The following MSI2 variants were observed in gnomAD, a reference collection of about 807,000 sequenced individuals.
MSI2 encodes the protein musashi RNA binding protein 2.
In MSI2, 17 loss-of-function variants were observed where a neutral mutation model predicts 45.6. That is an observed-to-expected ratio of 0.37 (90% confidence interval 0.26 to 0.56). The LOEUF (loss-of-function observed/expected upper bound fraction) is 0.56, where lower values mean the gene tolerates loss of function less well. Ranked by LOEUF, MSI2 falls within the 20% of genes least tolerant of loss-of-function variation. The pLI, the probability that MSI2 is intolerant of heterozygous loss-of-function variation, is 0.77. For synonymous variants in MSI2, 156 were observed against 158.2 expected (o/e 0.99, Z 0.11); for missense variants, 293 against 444.2 (o/e 0.66, Z 3.06).
At chr17:57,373,598 A>G (rs886850084) in intron 5 of MSI2, among the ~76,000 whole-genome samples, 3 of 152,228 alleles carry the variant, frequency 2.0e-5, no homozygotes, top group African/African-American at 7.2e-5. Flanking sequence ...TTTTGGGAAC[A>G]GCCCTCAGAG....
chr17:57,507,165 C>G lies in MSI2; in HGVS notation c.406-22511C>G, dbSNP rs148028607. On this transcript the variant is annotated intron_variant, in intron 6 of 13. Coordinates refer to ENST00000284073, the MANE Select transcript of MSI2 (RefSeq NM_138962.4). ...TGTCTTTCTCAATCTATCTGTTTCT[C>G]TGTGTGTGTTGGGGGGGGGGGGTGT... Among the ~76,000 whole-genome samples the G allele has an allele frequency of 9.6e-3, 859 of 89,542 alleles. 8 individuals are homozygous for G. The highest frequency in any genetic ancestry group is 0.018 in the Admixed American group (127 of 7,134). 58.7% of individuals were successfully genotyped at this position (89,542 alleles called of 152,430 possible).
At chr17:57,275,670 A>T (rs748009558) in intron 5 of MSI2, among the ~76,000 whole-genome samples, 2 of 152,144 alleles carry the variant, frequency 1.3e-5, no homozygotes, top group Non-Finnish European at 2.9e-5. Flanking sequence ...GGGGAACAAG[A>T]TCATGATTAT....
chr17:57,442,719 G>A (rs941479024), intron 6 of MSI2, among the ~76,000 whole-genome samples: 3 of 152,200 alleles, frequency 2.0e-5, no homozygotes, highest in African/African-American at 4.8e-5. Context: ...GGGTGGGAGC[G>A]AGGGAGGCGG....
At chr17:57,636,416 G>C (rs1177071186) in intron 10 of MSI2, among the ~76,000 whole-genome samples, 3 of 152,102 alleles carry the variant, frequency 2.0e-5, no homozygotes, top group Admixed American at 6.5e-5. Context: ...CTGGGCCACC[G>C]GGGGGAGCAA....
At chr17:57,550,158 C>T (rs1248630043) in intron 7 of MSI2, among the ~76,000 whole-genome samples, 2 of 152,160 alleles carry the variant, frequency 1.3e-5, no homozygotes, top group African/African-American at 4.8e-5. Context: ...AGACAAACGC[C>T]CCTTTTAAGT....
At chr17:57,613,109 T>C (rs1487163723) in intron 8 of MSI2, among the ~76,000 whole-genome samples, 3 of 152,178 alleles carry the variant, frequency 2.0e-5, no homozygotes, top group Non-Finnish European at 2.9e-5. Flanking sequence ...AATAGCCCTA[T>C]CAGTGACAGT....
chr17:57,354,644 A>C (rs146811205), intron 5 of MSI2, among the ~76,000 whole-genome samples: 2 of 152,234 alleles, frequency 1.3e-5, no homozygotes, highest in East Asian at 3.9e-4. Context: ...AAAGCTTGAT[A>C]AGTGTGAACC....
At chr17:57,554,037 G>A (rs982193416) in intron 7 of MSI2, among the ~76,000 whole-genome samples, 2 of 152,090 alleles carry the variant, frequency 1.3e-5, no homozygotes, top group African/African-American at 4.8e-5. Flanking sequence ...TAACTAGAGA[G>A]GTTTGCAAAG....
At chr17:57,645,308 T>A (rs1910573805) in intron 10 of MSI2, among the ~76,000 whole-genome samples, 2 of 152,186 alleles carry the variant, frequency 1.3e-5, no homozygotes, top group African/African-American at 4.8e-5. Context: ...GCCCCCTGTA[T>A]TCTCAGGAGC....
At chr17:57,319,919 G>C (rs1913188234) in intron 5 of MSI2, among the ~76,000 whole-genome samples, 1 of 152,134 alleles carries the variant, frequency 6.6e-6, no homozygotes, top group Non-Finnish European at 1.5e-5. Context: ...CAGCCGAGTA[G>C]GGGTTTTCTG....
At chr17:57,698,926 T>TGTGC in the MSI2 span, among the ~76,000 whole-genome samples, 207 of 134,106 alleles carry the variant, frequency 1.5e-3, 11 homozygotes, top group African/African-American at 5.8e-3. Flanking sequence ...TGTGTGTGTG[T>TGTGC]GTGTGTGTGT....
At chr17:57,693,116 G>T in the MSI2 span, among the ~76,000 whole-genome samples, 2 of 151,098 alleles carry the variant, frequency 1.3e-5, no homozygotes, top group Non-Finnish European at 3.0e-5. Context: ...ACACCTCTTG[G>T]GTACTCTTTT....
Position 57,679,702 on chromosome 17 carries a change from T to C in MSI2, c.*185T>C, listed in dbSNP as rs903257242. On this transcript the variant is annotated 3_prime_UTR_variant, in exon 14 of 14. Transcript: ENST00000284073. Reference sequence around the variant, plus strand: ...CGAGGGTTGACTACATCTCATCATCTCACGAATCTGCTGTAATATAAGACA... The same window carrying C: ...CGAGGGTTGACTACATCTCATCATCCCACGAATCTGCTGTAATATAAGACA... 1.5e-6 allele frequency: 1 copy of C among 654,004 alleles called. No individual in the cohort carries two copies. The highest frequency in any genetic ancestry group is 2.0e-6 in the Non-Finnish European group (1 of 502,880). 40.5% of individuals were successfully genotyped at this position (654,004 alleles called of 1,614,324 possible).
At chr17:57,336,322 G>A (rs1354346967) in intron 5 of MSI2, among the ~76,000 whole-genome samples, 1 of 152,218 alleles carries the variant, frequency 6.6e-6, no homozygotes, top group Non-Finnish European at 1.5e-5. Context: ...GGAGAAGACT[G>A]TGAGGAATAG....
At chr17:57,578,751 A>G (rs2088120094) in intron 7 of MSI2, among the ~76,000 whole-genome samples, 1 of 152,160 alleles carries the variant, frequency 6.6e-6, no homozygotes, top group African/African-American at 2.4e-5. Flanking sequence ...GCGCAAAACC[A>G]ATTCCTCTTT....
the MSI2 span, among the ~76,000 whole-genome samples, chr17:57,701,298 A>G: frequency 2.6e-5 from 4 of 152,332 alleles, no homozygotes; most frequent in African/African-American, 7.2e-5. Context: ...TCCTGAATTC[A>G]TATGCTGAAG....
intron 6 of MSI2, among the ~76,000 whole-genome samples, chr17:57,437,962 C>A (rs1050310797): frequency 6.6e-6 from 1 of 152,194 alleles, no homozygotes; most frequent in Non-Finnish European, 1.5e-5. Flanking sequence ...TGCACATGCA[C>A]CCGTGTAATT....
At chr17:57,336,899 C>T (rs1914731283) in intron 5 of MSI2, among the ~76,000 whole-genome samples, 1 of 152,112 alleles carries the variant, frequency 6.6e-6, no homozygotes, top group Non-Finnish European at 1.5e-5. Flanking sequence ...GGTGGTTCCA[C>T]TCAGGGTCTC....
intron 5 of MSI2, among the ~76,000 whole-genome samples, chr17:57,389,398 C>A (rs1457491547): frequency 6.6e-6 from 1 of 152,208 alleles, no homozygotes; most frequent in African/African-American, 2.4e-5. Flanking sequence ...TCTTATGCTG[C>A]AGTCTTTTGG....
Sources: gnomAD v4.1 joint callset for allele counts (sites outside exome capture counted in the v4.1 genomes callset) on GRCh38, gnomAD v4.1.1 for gene constraint, MANE v1.5 for transcripts, NCBI Gene and HGNC (gene_info 2026-07-23, HGNC 2026-07-21) for gene names.